CABYR: variants seen among roughly 807,000 people sequenced by gnomAD.
The protein encoded by CABYR is calcium binding tyrosine phosphorylation regulated, also known as calcium-binding tyrosine phosphorylation-regulated protein.
In CABYR, 31 loss-of-function variants were observed where a neutral mutation model predicts 36.1. The ratio of observed to expected loss-of-function variants is 0.86; its 90% CI spans 0.64 to 1.16. CABYR has a LOEUF of 1.16. Among genes scored for constraint, CABYR ranks in the 50% most tolerant of loss-of-function variants. The probability of loss-of-function intolerance (pLI) is 0.00; values close to 1 mark genes in which losing one functional copy is unlikely to be tolerated. For missense variants in CABYR, 429 were observed against 455.8 expected, an observed-to-expected ratio of 0.94 and a Z score of 0.53; for synonymous variants, 146 against 160.7, an observed-to-expected ratio of 0.91 and a Z score of 0.69.
chr18:24,153,257 T>C (rs1304504525), intron 3 of CABYR, among the ~76,000 whole-genome samples: 2 of 151,962 alleles, frequency 1.3e-5, no homozygotes, highest in South Asian at 4.2e-4. Context: ...GACACGGGGC[T>C]TTCTCGGTGT....
chr18:24,160,465 A>AAAGT (rs1555621931), intron 5 of CABYR, among the ~76,000 whole-genome samples: 1 of 152,322 alleles, frequency 6.6e-6, no homozygotes, highest in African/African-American at 2.4e-5. Context: ...GGTAAGAGAG[A>AAAGT]AAGTCTTGAT....
chr18:24,159,214 A>G (rs2085880812), intron 4 of CABYR, among the ~76,000 whole-genome samples: 1 of 152,204 alleles, frequency 6.6e-6, no homozygotes, highest in South Asian at 2.1e-4. Flanking sequence ...TGGAAACTGC[A>G]ACTTAGAATA....
rs751207486 is a variant in CABYR at position 24,160,005 on chromosome 18, G to A, written c.1075G>A (p.Gly359Ser). Reference protein sequence around the residue: ...GDKCAPFGSYGIAGEVTVTTA... With the variant: ...GDKCAPFGSYSIAGEVTVTTA... ...CAAATGTGCTCCCTTTGGAAGTTAC[G>A]GTATTGCTGGGGAGGTAACCGTGAC... Residue 359 changes from glycine (G) to serine (S), a missense_variant, in exon 5 of 6, where the codon GGT becomes AGT. Coordinates refer to ENST00000399496, the MANE Select transcript of CABYR (RefSeq NM_153769.3). 1.1e-5 allele frequency: 17 copies of A among 1,614,122 alleles called. No homozygotes were observed. Among genetic ancestry groups the A allele is most frequent in the South Asian group, 7.7e-5 (7 of 91,068 alleles).
chr18:24,142,401 CTGTT>C (rs2085346707), intron 1 of CABYR, among the ~76,000 whole-genome samples: 2 of 151,850 alleles, frequency 1.3e-5, no homozygotes, highest in South Asian at 2.1e-4. Context: ...TATCTTGTAA[CTGTT>C]TGATGAATAT....
In CABYR at chr18:24,159,872, T is replaced by A. The variant is rs759546620; in HGVS notation, c.942T>A (p.Asn314Lys). The A allele has an allele frequency of 9.9e-6, 16 of 1,614,176 alleles. 1 individual carries two copies. In the South Asian group the frequency reaches 1.8e-4, roughly 18 times the overall value. ...AGAAACATACCCTAAGTCCCCAGAA[T>A]GCTAATCCTCCAAGTGGACAAGATG... ...KYQKHTLSPQ[N>K]ANPPSGQDVP... is the part of the protein sequence containing the mutation. Residue 314 changes from asparagine to lysine, a missense_variant, in exon 5 of 6, where the codon AAT (asparagine) becomes AAA (lysine). By Grantham distance (94) the Asn-to-Lys change is moderately conservative (BLOSUM62 0). Coordinates refer to ENST00000399496, the MANE Select transcript of CABYR (RefSeq NM_153769.3).
At position 24,155,953 on chromosome 18, in the gene CABYR, C is replaced by G. The variant is rs766944130; in HGVS notation, c.452C>G (p.Thr151Ser). 29 of 1,614,068 alleles carry G rather than the reference C, an allele frequency of 1.8e-5. No homozygotes were observed. The highest frequency in any genetic ancestry group is 2.3e-5 in the Non-Finnish European group (27 of 1,180,052). ...AAACCAGCCACCCCTAAGACTACTA[C>G]CCCACCCTCATCACCACCTCCAACA... is the stretch of plus-strand genomic sequence containing the variant. ...SSKPATPKTTTPPSSPPPTAV... is the reference protein window; with the variant it reads ...SSKPATPKTTSPPSSPPPTAV... Residue 151 changes from threonine to serine, a missense_variant, in exon 4 of 6, where the codon ACC (threonine) becomes AGC (serine). Thr to Ser is a moderately conservative substitution (Grantham distance 58). Transcript: ENST00000399496.
chr18:24,161,191 G>A (rs7230861), intron 5 of CABYR, among the ~76,000 whole-genome samples: 148,858 of 152,282 alleles, frequency 0.98, 72,846 homozygotes, highest in East Asian at 1. Context: ...TTTAAGTTGA[G>A]CATCTGAGAG....
chr18:24,143,107 C>A lies in CABYR; in HGVS notation c.-8C>A. ...TCATTCTAGTTGAGTTACAGACATCCTGCCAAAATGATTTCTTCAAAGCCC... is the reference window on the plus strand; with the variant it reads ...TCATTCTAGTTGAGTTACAGACATCATGCCAAAATGATTTCTTCAAAGCCC... On this transcript the variant is annotated 5_prime_UTR_variant, in exon 2 of 6. In the 5' UTR this introduces an upstream ATG that the reference lacks. Coordinates refer to ENST00000399496, the MANE Select transcript of CABYR (RefSeq NM_153769.3). 6.3e-7 allele frequency: 1 copy of A among 1,589,012 alleles called. No homozygotes were observed. Among genetic ancestry groups the A allele is most frequent in the Non-Finnish European group, 8.5e-7 (1 of 1,170,166 alleles).
intron 3 of CABYR, among the ~76,000 whole-genome samples, chr18:24,150,888 T>G (rs1285743738): frequency 6.6e-6 from 1 of 151,662 alleles, no homozygotes; most frequent in African/African-American, 2.4e-5. Flanking sequence ...CACGCCATTC[T>G]CCTGCCTCAG....
At chr18:24,151,041 C>A (rs528119397) in intron 3 of CABYR, among the ~76,000 whole-genome samples, 1 of 152,224 alleles carries the variant, frequency 6.6e-6, no homozygotes, top group African/African-American at 2.4e-5. Flanking sequence ...CTTGTTAGGC[C>A]CTGCTGCTTA....
chr18:24,156,689 T>C, intron 4 of CABYR: 1 of 1,613,984 alleles, frequency 6.2e-7, no homozygotes, highest in Non-Finnish European at 8.5e-7. Flanking sequence ...AAGGTCAGCC[T>C]GAGGTACCTG....
At position 24,159,997 on chromosome 18, in the gene CABYR, G is replaced by C. The variant is rs1391593533; in HGVS notation, c.1067G>C (p.Gly356Ala). ...SGSGDKCAPF[G>A]SYGIAGEVTV... ...TCTGGTGACAAATGTGCTCCCTTTGGAAGTTACGGTATTGCTGGGGAGGTA... is the reference window on the plus strand; with the variant it reads ...TCTGGTGACAAATGTGCTCCCTTTGCAAGTTACGGTATTGCTGGGGAGGTA... Residue 356 changes from glycine (G) to alanine (A), a missense_variant, in exon 5 of 6, where the codon GGA (glycine) becomes GCA (alanine). Coordinates refer to ENST00000399496, the MANE Select transcript of CABYR (RefSeq NM_153769.3). 6.2e-7 allele frequency: 1 copy of C among 1,614,154 alleles called. No homozygotes were observed. The highest frequency in any genetic ancestry group is 8.5e-7 in the Non-Finnish European group (1 of 1,180,040).
At chr18:24,143,041 AACCTATTTTAGT>A in intron 1 of CABYR, 38 bp from the exon 2 acceptor site, 5 of 1,333,610 alleles carry the variant, frequency 3.7e-6, no homozygotes, top group Non-Finnish European at 5.1e-6. Context: ...AAAAAAAAAA[AACCTATTTTAGT>A]AAAACTAATT....
At position 24,159,769 on chromosome 18, in the gene CABYR, CTGTCGTTTCACAG is replaced by C; in HGVS notation, c.841_853del (p.Val281GlnfsTer4). 1.9e-6 allele frequency: 3 copies of C among 1,614,072 alleles called. No individual in the cohort carries two copies. The highest frequency in any genetic ancestry group is 2.5e-6 in the Non-Finnish European group (3 of 1,180,022). ...GGATGGAAACCTCTTCCTGGACATG[CTGTCGTTTCACAG>C]TCAGATGTCTTGAGATATGTTGCAA... On this transcript the variant is annotated frameshift_variant, in exon 5 of 6. Coordinates refer to ENST00000399496, the MANE Select transcript of CABYR (RefSeq NM_153769.3). LOFTEE classifies it high-confidence loss of function.
chr18:24,149,311 A>T (rs2085544087), intron 3 of CABYR, among the ~76,000 whole-genome samples: 1 of 151,760 alleles, frequency 6.6e-6, no homozygotes, highest in Admixed American at 6.6e-5. Flanking sequence ...CCACCAGAGT[A>T]TCTAGATACA....
At chr18:24,152,675 G>A (rs1486621652) in intron 3 of CABYR, 1 of 152,118 alleles carries the variant, frequency 6.6e-6, no homozygotes, top group African/African-American at 2.4e-5. Flanking sequence ...GAACCTGTGA[G>A]GGAGACACTT....
At chr18:24,161,441 A>T in intron 5 of CABYR, 75 bp from the exon 6 acceptor site, 1 of 767,238 alleles carries the variant, frequency 1.3e-6, no homozygotes, top group Non-Finnish European at 2.4e-6. Flanking sequence ...TTGCATTTCT[A>T]ATCTTCTGCT....
intron 4 of CABYR, chr18:24,156,783 T>C (rs2085800932): frequency 6.2e-7 from 1 of 1,614,010 alleles, no homozygotes; most frequent in Non-Finnish European, 8.5e-7. Flanking sequence ...TTCAATAGTC[T>C]CTGACAATAC....
At chr18:24,156,746 ATC>A in intron 4 of CABYR, 1 of 1,614,144 alleles carries the variant, frequency 6.2e-7, no homozygotes, top group Non-Finnish European at 8.5e-7. Flanking sequence ...GCTCTGAAAA[ATC>A]TCTGCACCTT....
Sources: allele counts gnomAD v4.1 joint callset (sites outside exome capture counted in the v4.1 genomes callset), GRCh38; gene constraint gnomAD v4.1.1; transcripts MANE v1.5; gene names NCBI Gene and HGNC (gene_info 2026-07-23, HGNC 2026-07-21).